Variants in AFTPH observed in about 807,000 individuals in gnomAD.
AFTPH encodes aftiphilin protein.
AFTPH carries 7 observed loss-of-function variants against 72.5 expected under a neutral mutation model. That is an observed-to-expected ratio of 0.10 (90% CI 0.05 to 0.18). The LOEUF (loss-of-function observed/expected upper bound fraction) is 0.18. Ranked by LOEUF, AFTPH falls within the 10% of genes least tolerant of loss-of-function variation. AFTPH has a pLI of 1.00. For synonymous variants in AFTPH, 337 were observed against 370.1 expected (o/e 0.91, Z 1.03); for missense variants, 979 against 1,060.5 (o/e 0.92, Z 1.07).
At chr2:64,585,598 C>T in intron 8 of AFTPH, 53 bp downstream of exon 9, 1 of 1,548,666 alleles carries the variant, frequency 6.5e-7, no homozygotes, top group Admixed American at 2.0e-5. Context: ...GATAAAACGA[C>T]CCAAAGGAAA....
intron 1 of AFTPH, among the ~76,000 whole-genome samples, chr2:64,533,110 G>C (rs188761020): frequency 1.8e-3 from 273 of 152,182 alleles, no homozygotes; most frequent in Non-Finnish European, 3.1e-3. Flanking sequence ...TGTATTAATA[G>C]ATCTAGGCCA....
exon 9 of AFTPH, chr2:64,592,025 C>A: frequency 6.2e-7 from 1 of 1,612,754 alleles, no homozygotes; most frequent in Non-Finnish European, 8.5e-7. Flanking sequence ...CAAGAAAAAG[C>A]AGACGGATAA....
intron 2 of AFTPH, among the ~76,000 whole-genome samples, chr2:64,561,127 AAGG>A (rs1181455319): frequency 6.6e-6 from 1 of 152,208 alleles, no homozygotes; most frequent in Non-Finnish European, 1.5e-5. Context: ...GAAAATGAAA[AAGG>A]AGGGTATGGT....
chr2:64,531,898 A>G (rs1669649643), intron 1 of AFTPH, among the ~76,000 whole-genome samples: 1 of 152,246 alleles, frequency 6.6e-6, no homozygotes, highest in African/African-American at 2.4e-5. Context: ...TTTTATTTAG[A>G]GAAAAAATAT....
chr2:64,585,908 A>C (rs916234230), intron 8 of AFTPH, among the ~76,000 whole-genome samples: 5 of 151,756 alleles, frequency 3.3e-5, no homozygotes, highest in African/African-American at 1.2e-4. Context: ...TTGAGAACCC[A>C]GTTTTGTAAT....
At chr2:64,575,829 C>G (rs1427982480) in intron 6 of AFTPH, among the ~76,000 whole-genome samples, 1 of 151,166 alleles carries the variant, frequency 6.6e-6, no homozygotes, top group Non-Finnish European at 1.5e-5. Flanking sequence ...ACCTCCACCT[C>G]CCGGGTTCAA....
intron 8 of AFTPH, among the ~76,000 whole-genome samples, chr2:64,586,113 G>C (rs1284848979): frequency 1.3e-5 from 2 of 152,252 alleles, no homozygotes; most frequent in East Asian, 3.9e-4. Context: ...ATGTCACTCG[G>C]GCCATGTGTT....
exon 7 of AFTPH, chr2:64,579,486 G>A: frequency 6.2e-7 from 1 of 1,613,218 alleles, no homozygotes; most frequent in Non-Finnish European, 8.5e-7. Context: ...TCAACTCTAG[G>A]AGTCTCTACC....
At chr2:64,531,961 TATTAC>T (rs1669655088) in intron 1 of AFTPH, among the ~76,000 whole-genome samples, 1 of 152,230 alleles carries the variant, frequency 6.6e-6, no homozygotes. Flanking sequence ...TAAAATTACA[TATTAC>T]ATTTAAACCT....
chr2:64,592,234 A>G (rs562166009), exon 9 of AFTPH: 13 of 441,780 alleles, frequency 2.9e-5, no homozygotes, highest in African/African-American at 2.4e-4. Context: ...TATTAGAAAA[A>G]TGTAAATAAT....
At chr2:64,592,005 C>CACA in exon 9 of AFTPH, 1 of 1,613,572 alleles carries the variant, frequency 6.2e-7, no homozygotes, top group Non-Finnish European at 8.5e-7. Flanking sequence ...TAACACCTTC[C>CACA]ACAAGCTCTC....
chr2:64,585,405 T>C lies in AFTPH; in HGVS notation c.2456-17T>C, dbSNP rs1374940800. The C allele has an allele frequency of 6.2e-7, 1 of 1,612,648 alleles. No individual in the cohort carries two copies. The highest frequency in any genetic ancestry group is 1.3e-5 in the African/African-American group (1 of 74,906). On this transcript the variant is annotated splice_polypyrimidine_tract_variant and intron_variant, in intron 7 of 8. Coordinates refer to ENST00000238856, the Ensembl canonical transcript of AFTPH. ...CATTGCAGCCTGCCATCACTGACTATCATTTTATACTATAAGGTGTGGATC... is the reference window on the plus strand; with the variant it reads ...CATTGCAGCCTGCCATCACTGACTACCATTTTATACTATAAGGTGTGGATC...
chr2:64,542,157 G>A (rs1324323093), intron 1 of AFTPH, among the ~76,000 whole-genome samples: 1 of 152,154 alleles, frequency 6.6e-6, no homozygotes, highest in Non-Finnish European at 1.5e-5. Context: ...AGCAGTGTGT[G>A]CTGTATGTTT....
At chr2:64,536,773 C>T (rs1669914147) in intron 1 of AFTPH, among the ~76,000 whole-genome samples, 1 of 151,054 alleles carries the variant, frequency 6.6e-6, no homozygotes, top group African/African-American at 2.4e-5. Context: ...GGCAACATGG[C>T]GAAACACTGT....
exon 1 of AFTPH, chr2:64,524,461 G>T (rs1202292557): frequency 9.9e-6 from 4 of 402,106 alleles, no homozygotes. Flanking sequence ...CTCCGGGTGG[G>T]CGTCCATGGT....
At chr2:64,534,193 T>C (rs570289568) in intron 1 of AFTPH, among the ~76,000 whole-genome samples, 1 of 152,296 alleles carries the variant, frequency 6.6e-6, no homozygotes, top group South Asian at 2.1e-4. Flanking sequence ...CTGGAGTATT[T>C]GCAGCTAAAA....
intron 1 of AFTPH, among the ~76,000 whole-genome samples, chr2:64,530,423 T>C (rs1669561909): frequency 6.6e-6 from 1 of 152,208 alleles, no homozygotes; most frequent in African/African-American, 2.4e-5. Context: ...TTTCCAGTTA[T>C]TAAAATTATG....
chr2:64,580,027 T>C (rs1266634298), intron 7 of AFTPH: 1 of 152,884 alleles, frequency 6.5e-6, no homozygotes, highest in African/African-American at 2.4e-5. Context: ...AGAGCACCTA[T>C]ATGCAAATAG....
intron 4 of AFTPH, 34 bp downstream of exon 4, chr2:64,569,252 T>G: frequency 6.3e-7 from 1 of 1,588,884 alleles, no homozygotes; most frequent in Non-Finnish European, 8.6e-7. Context: ...AATCTTTTAA[T>G]CAACCTGTGG....
Sources: allele counts gnomAD v4.1 joint callset (sites outside exome capture counted in the v4.1 genomes callset), GRCh38; gene constraint gnomAD v4.1.1; transcripts MANE v1.5; gene names NCBI Gene and HGNC (gene_info 2026-07-23, HGNC 2026-07-21).